Variants in MCTP2 observed in about 807,000 individuals in gnomAD.
The protein encoded by MCTP2 is multiple C2 and transmembrane domain containing 2, also known as multiple C2 and transmembrane domain-containing protein 2.
Under a neutral mutation model 111.6 loss-of-function variants are expected in MCTP2, and 132 were observed. The ratio of observed to expected loss-of-function variants is 1.18; its 90% CI spans 1.03 to 1.37. The LOEUF (loss-of-function observed/expected upper bound fraction) is 1.37, where lower values mean the gene tolerates loss of function less well. Ranked by LOEUF, MCTP2 falls within the 40% of genes most tolerant of loss-of-function variation. MCTP2 has a pLI of 0.00. For missense variants in MCTP2, 1,183 were observed against 1,067.9 expected (o/e 1.11, Z -1.50); for synonymous variants, 395 against 387.7 (o/e 1.02, Z -0.22).
intron 12 of MCTP2, among the ~76,000 whole-genome samples, chr15:94,383,202 C>G (rs1048995845): frequency 2.6e-5 from 4 of 152,186 alleles, no homozygotes; most frequent in Admixed American, 6.5e-5. Context: ...AGGAGCAGAG[C>G]TTAACTCCTA....
chr15:94,419,091 T>C (rs747455819), intron 17 of MCTP2, among the ~76,000 whole-genome samples: 2 of 152,102 alleles, frequency 1.3e-5, no homozygotes, highest in Non-Finnish European at 2.9e-5. Flanking sequence ...TAAATAGTCA[T>C]AGAGGATAAT....
In MCTP2 at chr15:94,298,441, AGGCCTT is replaced by A. The variant is rs2075376563; in HGVS notation, c.181_186del (p.Leu61_Ala62del). ...TCTGTGCCTGATCTCCTGGAGGCTG[AGGCCTT>A]GGCCCCAGAGGGCCGGCCTTACTCC... On this transcript the variant is annotated inframe_deletion, in exon 2 of 23. Coordinates refer to ENST00000357742, the MANE Select transcript of MCTP2 (RefSeq NM_001385001.1). The A allele has an allele frequency of 6.2e-7, 1 of 1,614,062 alleles. No homozygotes were observed. Among genetic ancestry groups the A allele is most frequent in the Non-Finnish European group, 8.5e-7 (1 of 1,180,028 alleles).
intron 1 of MCTP2, among the ~76,000 whole-genome samples, chr15:94,255,014 C>G (rs753622178): frequency 6.6e-6 from 1 of 152,164 alleles, no homozygotes. Context: ...CAGGGCTTGG[C>G]AAAGCTGGGA....
intron 1 of MCTP2, among the ~76,000 whole-genome samples, chr15:94,262,129 A>G (rs1206846323): frequency 6.6e-6 from 1 of 152,196 alleles, no homozygotes; most frequent in Non-Finnish European, 1.5e-5. Flanking sequence ...ATTAAAAAAT[A>G]AATTTAAAGA....
chr15:94,400,321 G>A (rs544820036), intron 16 of MCTP2, among the ~76,000 whole-genome samples: 15 of 152,160 alleles, frequency 9.9e-5, no homozygotes, highest in South Asian at 8.3e-4. Context: ...CTGCCTATCC[G>A]TCCTTTAATC....
chr15:94,245,351 C>CAT (rs1236239096), intron 1 of MCTP2, among the ~76,000 whole-genome samples: 3 of 131,494 alleles, frequency 2.3e-5, no homozygotes, highest in Non-Finnish European at 3.2e-5. Flanking sequence ...TATTTACATA[C>CAT]ATATGTATAT....
In MCTP2 at chr15:94,448,551, T is replaced by C. The variant is rs1039682095; in HGVS notation, c.2250+5591T>C. 2.6e-5 allele frequency among the ~76,000 whole-genome samples: 4 copies of C among 152,196 alleles called. No homozygotes were observed. The East Asian group carries it at 5.8e-4, about 22-fold the overall frequency. ...TGCTAATTATCAAAGGAAATGATCA[T>C]TGGAGCATTTTGGGTTTCTGATTTT... On this transcript the variant is annotated intron_variant, in intron 19 of 22. Coordinates refer to ENST00000357742, the MANE Select transcript of MCTP2 (RefSeq NM_001385001.1).
chr15:94,427,457 C>G (rs2082949154), intron 17 of MCTP2, among the ~76,000 whole-genome samples: 1 of 152,110 alleles, frequency 6.6e-6, no homozygotes, highest in Non-Finnish European at 1.5e-5. Context: ...GAAGGGGAAG[C>G]ACCATGTCTT....
At chr15:94,351,170 T>C (rs909021178) in intron 8 of MCTP2, among the ~76,000 whole-genome samples, 6 of 152,226 alleles carry the variant, frequency 3.9e-5, no homozygotes, top group Admixed American at 2.6e-4. Context: ...GACTTTTACA[T>C]GTGGGAAATT....
chr15:94,375,653 T>C (rs1235195470), intron 12 of MCTP2, among the ~76,000 whole-genome samples: 1 of 152,314 alleles, frequency 6.6e-6, no homozygotes, highest in Non-Finnish European at 1.5e-5. Context: ...ATCTTGGTAA[T>C]AAAGGTGTCA....
chr15:94,409,498 C>A (rs1418852586), intron 17 of MCTP2, among the ~76,000 whole-genome samples: 4 of 152,032 alleles, frequency 2.6e-5, no homozygotes, highest in Admixed American at 6.5e-5. Flanking sequence ...CTCTAGATAA[C>A]CCTGACTAAT....
chr15:94,348,531 CA>C (rs2078125772), intron 8 of MCTP2, among the ~76,000 whole-genome samples: 1 of 90,178 alleles, frequency 1.1e-5, no homozygotes, highest in Non-Finnish European at 2.3e-5. Flanking sequence ...GACCAGAGCC[CA>C]GGTGAGAACC....
At chr15:94,252,632 A>ATT (rs201850560) in intron 1 of MCTP2, among the ~76,000 whole-genome samples, 2,480 of 146,660 alleles carry the variant, frequency 0.017, 66 homozygotes, top group African/African-American at 0.056. Context: ...TGGTTTACAG[A>ATT]TTTTTTTTTT....
In MCTP2 at chr15:94,370,171, G is replaced by C. The variant is rs1357347279; in HGVS notation, c.1573G>C (p.Asp525His). ...AAAGGCAGCAGATCTCTTAGCGGCA[G>C]ATTTCTCAGGTACAGGACATTTTCA... is the stretch of plus-strand genomic sequence containing the variant. ...VLKAADLLAA[D>H]FSGKSDPFCL... The change falls in exon 12 of 23, where the codon GAT becomes CAT. Residue 525 changes from aspartate (D) to histidine (H), a missense_variant. Physicochemically the swap from Asp to His is moderately conservative, Grantham distance 81. Coordinates refer to ENST00000357742, the MANE Select transcript of MCTP2 (RefSeq NM_001385001.1). The C allele has an allele frequency of 6.2e-7, 1 of 1,610,438 alleles. No individual in the cohort carries two copies. Among genetic ancestry groups the C allele is most frequent in the Non-Finnish European group, 8.5e-7 (1 of 1,178,222 alleles).
At chr15:94,347,103 C>A (rs2078026419) in intron 8 of MCTP2, among the ~76,000 whole-genome samples, 1 of 151,990 alleles carries the variant, frequency 6.6e-6, no homozygotes, top group Non-Finnish European at 1.5e-5. Flanking sequence ...TGGGAAATTT[C>A]AATTATGTTG....
chr15:94,279,345 T>C (rs1159178535), intron 1 of MCTP2, among the ~76,000 whole-genome samples: 2 of 152,158 alleles, frequency 1.3e-5, no homozygotes, highest in Non-Finnish European at 2.9e-5. Context: ...CCCTGGTTAG[T>C]TCATTCCTAG....
intron 14 of MCTP2, among the ~76,000 whole-genome samples, chr15:94,389,621 T>C (rs1440829459): frequency 6.6e-6 from 1 of 152,138 alleles, no homozygotes; most frequent in Non-Finnish European, 1.5e-5. Context: ...GTTTTGTTTT[T>C]TAACGTGAGC....
intron 4 of MCTP2, among the ~76,000 whole-genome samples, chr15:94,316,771 T>G (rs974580842): frequency 6.6e-6 from 1 of 152,198 alleles, no homozygotes; most frequent in Non-Finnish European, 1.5e-5. Flanking sequence ...ATATCTGTTT[T>G]TTTCTTTATG....
At position 94,430,631 on chromosome 15, in the gene MCTP2, G is replaced by T. The variant is rs545328614; in HGVS notation, c.2086-9545G>T. On this transcript the variant is annotated intron_variant, in intron 17 of 22. Transcript: ENST00000357742. ...GGCGTCGTGGTGGGCGCCTGTAATC[G>T]CAGCTACTTGGGAGGCTGAGGCAGG... Among the ~76,000 whole-genome samples, 32 of 149,198 alleles carry T rather than the reference G, an allele frequency of 2.1e-4. No homozygotes were observed. The South Asian group carries it at 6.7e-3, about 31-fold the overall frequency.
Sources: allele counts gnomAD v4.1 joint callset (sites outside exome capture counted in the v4.1 genomes callset), GRCh38; gene constraint gnomAD v4.1.1; transcripts MANE v1.5; gene names NCBI Gene and HGNC (gene_info 2026-07-23, HGNC 2026-07-21).